APOB: variants seen among roughly 807,000 people sequenced by gnomAD.
APOB encodes apolipoprotein B.
APOB carries 153 observed loss-of-function variants against 314.1 expected under a neutral mutation model. That is an observed-to-expected ratio of 0.49 (90% CI 0.43 to 0.56). The LOEUF (loss-of-function observed/expected upper bound fraction) is 0.56. Among genes scored for constraint, APOB ranks in the 20% least tolerant of loss-of-function variants. The pLI is 0.00. For missense variants in APOB, 5,430 were observed against 5,350.7 expected, an observed-to-expected ratio of 1.01 and a Z score of -0.46; for synonymous variants, 2,087 against 2,036.4, an observed-to-expected ratio of 1.02 and a Z score of -0.67.
At chr2:21,024,767 T>C in intron 16 of APOB, 166 bp downstream of exon 16, 1 of 753,940 alleles carries the variant, frequency 1.3e-6, no homozygotes, top group Non-Finnish European at 2.4e-6. Flanking sequence ...CATTTCCATG[T>C]GATCCAAGAG....
At chr2:21,016,790 CTGGCTAACAT>C in intron 20 of APOB, 141 bp from the exon 21 acceptor site, 1 of 688,696 alleles carries the variant, frequency 1.5e-6, no homozygotes, top group Admixed American at 2.1e-5. Flanking sequence ...CAAGACCATT[CTGGCTAACAT>C]GGTGAAACCC....
Position 21,008,936 on chromosome 2 carries a change from C to G in APOB, c.7932G>C (p.Arg2644Ser), listed in dbSNP as rs761712756. Residue 2644 changes from arginine (R) to serine (S), a missense_variant, in exon 26 of 29, where the codon AGG becomes AGC. Physicochemically the swap from Arg to Ser is moderately radical, Grantham distance 110 (BLOSUM62 -1). This residue lies in a region of APOB where 3,281 missense variants were observed against 3,171.0 expected (regional missense o/e 1.03). Coordinates refer to ENST00000233242, the MANE Select transcript of APOB (RefSeq NM_000384.3). ...KDLKNIKIPS[R>S]FSTPEFTILN... Reference sequence around the variant, plus strand: ...GGATGGTAAATTCTGGTGTGGAAAACCTGGATGGGATTTTTATATTTTTTA... The same window carrying G: ...GGATGGTAAATTCTGGTGTGGAAAAGCTGGATGGGATTTTTATATTTTTTA... The G allele has an allele frequency of 6.2e-7, 1 of 1,613,970 alleles. No homozygotes were observed. The highest frequency in any genetic ancestry group is 8.5e-7 in the Non-Finnish European group (1 of 1,179,922).
At chr2:21,043,411 A>G (rs1664181330) in intron 2 of APOB, 102 bp downstream of exon 2, 2 of 1,369,632 alleles carry the variant, frequency 1.5e-6, no homozygotes, top group Non-Finnish European at 2.0e-6. Context: ...GCACACCACG[A>G]TGCCATCTCA....
chr2:21,033,284 G>A lies in APOB; in HGVS notation c.1124+15C>T. 1 of 1,604,936 alleles carries A rather than the reference G, an allele frequency of 6.2e-7. No individual in the cohort carries two copies. The highest frequency in any genetic ancestry group is 1.1e-5 in the South Asian group (1 of 90,874). ...CATCAGTTTTATAAAAAGTTGAGCTGTAACCATTAGATACCTGGACACCTC... is the reference window on the plus strand; with the variant it reads ...CATCAGTTTTATAAAAAGTTGAGCTATAACCATTAGATACCTGGACACCTC... On this transcript the variant is annotated intron_variant, in intron 9 of 28. Coordinates refer to ENST00000233242, the MANE Select transcript of APOB (RefSeq NM_000384.3).
Position 21,017,780 on chromosome 2 carries a change from G to A in APOB, c.3122-1131C>T, listed in dbSNP as rs567209348. Among the ~76,000 whole-genome samples the A allele has an allele frequency of 3.0e-4, 45 of 152,100 alleles. 1 individual carries two copies. The highest frequency in any genetic ancestry group is 8.7e-4 in the African/African-American group (36 of 41,490). ...TAGGCTGGTCCATTTTATATCCTTC[G>A]TAAAACAATGTTTACCAAACACTAT... On this transcript the variant is annotated intron_variant, in intron 20 of 28. Transcript: ENST00000233242.
chr2:21,023,747 T>G, intron 16 of APOB, 55 bp from the exon 17 acceptor site: 29 of 1,498,610 alleles, frequency 1.9e-5, no homozygotes, highest in Non-Finnish European at 2.4e-5. Context: ...AAGTCGGTTT[T>G]GTTAATTACA....
chr2:21,041,731 T>A (rs1341662690), intron 3 of APOB, among the ~76,000 whole-genome samples: 3 of 152,192 alleles, frequency 2.0e-5, no homozygotes, highest in African/African-American at 7.2e-5. Context: ...AATAGCCCAA[T>A]GTGGCTCATG....
rs1168527211 is a variant in APOB, at chr2:21,019,704, G to T, written c.2999+19C>A. 6.2e-7 allele frequency: 1 copy of T among 1,613,238 alleles called. No homozygotes were observed. Among genetic ancestry groups the T allele is most frequent in the East Asian group, 2.2e-5 (1 of 44,880 alleles). ...TGGAAGGTGAGAAAATGCTGGGTCAGGCACTGAGCATCTCTAACCTGGTGT... is the reference window on the plus strand; with the variant it reads ...TGGAAGGTGAGAAAATGCTGGGTCATGCACTGAGCATCTCTAACCTGGTGT... On this transcript the variant is annotated intron_variant, in intron 19 of 28. Coordinates refer to ENST00000233242, the MANE Select transcript of APOB (RefSeq NM_000384.3).
Position 21,005,768 on chromosome 2 carries a change from C to T in APOB, c.11100G>A (p.Gln3700=), listed in dbSNP as rs983144468. ...CAAAGGCAGTTGAAACACGAAGATG[C>T]TGTCTCCTACCAATGCTGGTGGTTA... ...LDVTTSIGRR[Q]HLRVSTAFVY... is the part of the protein sequence containing the mutation. Residue 3700 remains glutamine, a synonymous_variant, in exon 26 of 29, where the codon CAG becomes CAA. Coordinates refer to ENST00000233242, the MANE Select transcript of APOB (RefSeq NM_000384.3). 5.0e-6 allele frequency: 8 copies of T among 1,613,822 alleles called. No homozygotes were observed. Among genetic ancestry groups the T allele is most frequent in the Non-Finnish European group, 5.1e-6 (6 of 1,179,942 alleles).
At chr2:21,020,327 C>T (rs1663576988) in intron 18 of APOB, among the ~76,000 whole-genome samples, 1 of 152,186 alleles carries the variant, frequency 6.6e-6, no homozygotes, top group South Asian at 2.1e-4. Flanking sequence ...TAAGCACGCT[C>T]AAGTCTCTTC....
intron 10 of APOB, among the ~76,000 whole-genome samples, chr2:21,031,869 AAAAAC>A (rs1663891663): frequency 6.6e-6 from 1 of 152,140 alleles, no homozygotes; most frequent in African/African-American, 2.4e-5. Flanking sequence ...AACAACAAAA[AAAAAC>A]AAAACAAACA....
chr2:21,015,876 A>G (rs1302834020), intron 21 of APOB, among the ~76,000 whole-genome samples: 1 of 152,198 alleles, frequency 6.6e-6, no homozygotes, highest in African/African-American at 2.4e-5. Flanking sequence ...GTGACCTCGC[A>G]GTTTATTGTG....
rs770962833 is a variant in APOB at position 21,033,275 on chromosome 2, A to G, written c.1124+24T>C. 6.3e-6 allele frequency: 10 copies of G among 1,590,062 alleles called. No homozygotes were observed. The African/African-American group carries it at 1.2e-4, about 19-fold the overall frequency. Reference sequence around the variant, plus strand: ...GTCAGTTACCATCAGTTTTATAAAAAGTTGAGCTGTAACCATTAGATACCT... The same window carrying G: ...GTCAGTTACCATCAGTTTTATAAAAGGTTGAGCTGTAACCATTAGATACCT... On this transcript the variant is annotated intron_variant, in intron 9 of 28. Transcript: ENST00000233242.
chr2:21,006,931 G>T lies in APOB; in HGVS notation c.9937C>A (p.Leu3313Ile), dbSNP rs146687604. The T allele has an allele frequency of 1.4e-4, 226 of 1,614,096 alleles. No individual in the cohort carries two copies. The African/African-American group carries it at 2.7e-3, about 19-fold the overall frequency. ...TTGAAATCTGGAAGAGAAAGCTTGA[G>T]ATTTCTAGGGACATGAAGGACTGGC... ...ELPVLHVPRN[L>I]KLSLPDFKEL... Residue 3313 changes from leucine to isoleucine, a missense_variant, in exon 26 of 29, where the codon CTC becomes ATC. Physicochemically the swap from Leu to Ile is conservative, Grantham distance 5. Transcript: ENST00000233242.
At chr2:21,026,228 TTAAATC>T (rs1405698252) in intron 15 of APOB, among the ~76,000 whole-genome samples, 6 of 152,224 alleles carry the variant, frequency 3.9e-5, no homozygotes, top group Admixed American at 3.9e-4. Context: ...GAAGTTAGAA[TTAAATC>T]TATGCCCAGA....
chr2:21,011,513 A>G lies in APOB; in HGVS notation c.5355T>C (p.Asn1785=). 1 of 1,614,186 alleles carries G rather than the reference A, an allele frequency of 6.2e-7. No homozygotes were observed. The change falls in exon 26 of 29, where the codon AAT becomes AAC. Residue 1785 remains asparagine (N), a synonymous_variant. Coordinates refer to ENST00000233242, the MANE Select transcript of APOB (RefSeq NM_000384.3). The part of the protein sequence containing the change: ...SSDKFYKQTV[N]LQLQPYSLVT... ...CCAGAGAATAGGGCTGTAGCTGTAAATTAACAGTTTGCTTATAAAACTTGT... is the reference window on the plus strand; with the variant it reads ...CCAGAGAATAGGGCTGTAGCTGTAAGTTAACAGTTTGCTTATAAAACTTGT...
chr2:21,033,068 G>A (rs1663917714), intron 9 of APOB, among the ~76,000 whole-genome samples: 1 of 152,190 alleles, frequency 6.6e-6, no homozygotes, highest in South Asian at 2.1e-4. Flanking sequence ...TTCTCCTTCT[G>A]TTTTAACACA....
At position 21,008,597 on chromosome 2, in the gene APOB, C is replaced by A. The variant is rs1286886996; in HGVS notation, c.8271G>T (p.Lys2757Asn). Residue 2757 changes from lysine (K) to asparagine (N), a missense_variant, in exon 26 of 29, where the codon AAG (lysine) becomes AAT (asparagine). Lys to Asn is a moderately conservative substitution (Grantham distance 94). Around this residue, in one of 3 missense-constraint regions of APOB, gnomAD observed 3,281 missense variants for 3,171.0 expected, o/e 1.03. Transcript: ENST00000233242. ...ATTGGATTTTCAGAATACTGTATAGCTTGCCAAAAGTAGGTACTTCAATTG... is the reference window on the plus strand; with the variant it reads ...ATTGGATTTTCAGAATACTGTATAGATTGCCAAAAGTAGGTACTTCAATTG... The part of the protein sequence containing the change: ...SHTIEVPTFG[K>N]LYSILKIQSP... 6.2e-7 allele frequency: 1 copy of A among 1,613,938 alleles called. No individual in the cohort carries two copies. Among genetic ancestry groups the A allele is most frequent in the Non-Finnish European group, 8.5e-7 (1 of 1,179,990 alleles).
In APOB at chr2:21,016,646, G is replaced by A. The variant is rs61741467; in HGVS notation, c.3125C>T (p.Ala1042Val). The change falls in exon 21 of 29, where the codon GCG becomes GTG. Residue 1042 changes from alanine (A) to valine (V), a missense_variant. Coordinates refer to ENST00000233242, the MANE Select transcript of APOB (RefSeq NM_000384.3). ...TGTCATGGTAGCCTCAGTCTGCTTC[G>A]CACCTGGACGAGTGTATAAGAGAAT... Reference protein sequence around the residue: ...TLKFVTQAEGAKQTEATMTFK... With the variant: ...TLKFVTQAEGVKQTEATMTFK... 41 of 1,589,128 alleles carry A rather than the reference G, an allele frequency of 2.6e-5. No homozygotes were observed. The highest frequency in any genetic ancestry group is 8.8e-5 in the South Asian group (8 of 90,602).
Sources: allele counts gnomAD v4.1 joint callset (sites outside exome capture counted in the v4.1 genomes callset), GRCh38; gene constraint gnomAD v4.1.1; regional missense constraint gnomAD v4.1.1; transcripts MANE v1.5; gene names NCBI Gene and HGNC (gene_info 2026-07-23, HGNC 2026-07-21).